SLC5A8: variants seen among roughly 807,000 people sequenced by gnomAD.
SLC5A8 encodes solute carrier family 5 member 8, also known as sodium-coupled monocarboxylate transporter 1.
In SLC5A8, 55 loss-of-function variants were observed where a neutral mutation model predicts 71.9. That is an observed-to-expected ratio of 0.77 (90% CI 0.62 to 0.96). SLC5A8 has a LOEUF of 0.96. Among genes scored for constraint, SLC5A8 ranks in the 40% least tolerant of loss-of-function variants. The pLI, the probability that SLC5A8 is intolerant of heterozygous loss-of-function variation, is 0.00. For missense variants in SLC5A8, 701 were observed against 745.3 expected (o/e 0.94, Z 0.69); for synonymous variants, 307 against 276.1 (o/e 1.11, Z -1.11).
chr12:101,160,534 G>A (rs758604474), intron 13 of SLC5A8, among the ~76,000 whole-genome samples: 69 of 152,264 alleles, frequency 4.5e-4, no homozygotes, highest in Non-Finnish European at 9.0e-4. Context: ...GAAGGAGGCA[G>A]TTGCACCCTT....
At position 101,155,532 on chromosome 12, in the gene SLC5A8, G is replaced by A. The variant is rs1351253505; in HGVS notation, c.*1747C>T. On this transcript the variant is annotated 3_prime_UTR_variant, in exon 15 of 15. Coordinates refer to ENST00000536262, the MANE Select transcript of SLC5A8 (RefSeq NM_145913.5). ...GACAAGATTTCACTCTGTTACCCAG[G>A]CTGGAGTGCAGTGGTGTAATCATAG... 4 of 137,594 alleles carry A rather than the reference G, an allele frequency of 2.9e-5. No individual in the cohort carries two copies. Among genetic ancestry groups the A allele is most frequent in the African/African-American group, 1.1e-4 (4 of 35,702 alleles). 8.5% of individuals were successfully genotyped at this position (137,594 alleles called of 1,614,324 possible).
At position 101,187,394 on chromosome 12, in the gene SLC5A8, G is replaced by C. The variant is rs764420292; in HGVS notation, c.955C>G (p.Pro319Ala). ...DPWTAKKVSA[P>A]DQLMPYLVLD... ...AAGACATGGTACTGAACCTGGTCTG[G>C]TGCAGACACTTTCTTGGCTGTCCAA... is the stretch of plus-strand genomic sequence containing the variant. The change falls in exon 7 of 15, where the codon CCA (proline) becomes GCA (alanine). Residue 319 changes from proline (P) to alanine (A), a missense_variant. Coordinates refer to ENST00000536262, the MANE Select transcript of SLC5A8 (RefSeq NM_145913.5). The C allele has an allele frequency of 6.2e-7, 1 of 1,613,570 alleles. No homozygotes were observed. Among genetic ancestry groups the C allele is most frequent in the South Asian group, 1.1e-5 (1 of 90,884 alleles).
intron 13 of SLC5A8, among the ~76,000 whole-genome samples, chr12:101,158,592 C>CTATATATA (rs1566303428): frequency 5.4e-4 from 14 of 25,912 alleles, no homozygotes; most frequent in Non-Finnish European, 7.6e-4. Flanking sequence ...CTCTCTCTCT[C>CTATATATA]TCTCTCTATA....
intron 7 of SLC5A8, 112 bp from the exon 8 acceptor site, chr12:101,184,334 C>G: frequency 2.3e-6 from 2 of 854,764 alleles, no homozygotes; most frequent in Non-Finnish European, 3.7e-6. Context: ...AGTTATTCCA[C>G]ACAAATGAAA....
chr12:101,196,264 T>C (rs1266014190), intron 3 of SLC5A8, among the ~76,000 whole-genome samples: 1 of 152,234 alleles, frequency 6.6e-6, no homozygotes, highest in East Asian at 1.9e-4. Flanking sequence ...TACTAAGATA[T>C]GTGCTACCAA....
At position 101,164,247 on chromosome 12, in the gene SLC5A8, T is replaced by C. The variant is rs541348905; in HGVS notation, c.1527-2170A>G. Among the ~76,000 whole-genome samples, 6 of 152,278 alleles carry C rather than the reference T, an allele frequency of 3.9e-5. No individual in the cohort carries two copies. The East Asian group carries it at 1.2e-3, about 29-fold the overall frequency. On this transcript the variant is annotated intron_variant, in intron 12 of 14. Transcript: ENST00000536262. Reference sequence around the variant, plus strand: ...ATCTAGAATATGTCATGAACTTCTATGTAAGTAAGAAAAAGACAGAGAATC... The same window carrying C: ...ATCTAGAATATGTCATGAACTTCTACGTAAGTAAGAAAAAGACAGAGAATC...
chr12:101,209,825 G>T lies in SLC5A8; in HGVS notation c.24C>A (p.Gly8=). MDTPRGI[G]TFVVWDYVVF... ...CCACGTAGTCCCACACCACGAAGGTGCCGATGCCCCGTGGCGTGTCCATGG... is the reference window on the plus strand; with the variant it reads ...CCACGTAGTCCCACACCACGAAGGTTCCGATGCCCCGTGGCGTGTCCATGG... The change falls in exon 1 of 15, where the codon GGC becomes GGA. Residue 8 remains glycine (G), a synonymous_variant. Transcript: ENST00000536262. 1 of 1,575,118 alleles carries T rather than the reference G, an allele frequency of 6.3e-7. No individual in the cohort carries two copies.
chr12:101,174,272 G>A (rs2051858968), intron 10 of SLC5A8, among the ~76,000 whole-genome samples: 1 of 152,194 alleles, frequency 6.6e-6, no homozygotes. Context: ...CAGGGGCGAT[G>A]TCTCCTTTTC....
Position 101,156,365 on chromosome 12 carries a change from A to G in SLC5A8, c.*914T>C, listed in dbSNP as rs1039538323. The G allele has an allele frequency of 3.3e-5, 5 of 152,332 alleles. No homozygotes were observed. Among genetic ancestry groups the G allele is most frequent in the East Asian group, 1.9e-4 (1 of 5,190 alleles). 9.4% of individuals were successfully genotyped at this position (152,332 alleles called of 1,614,324 possible). ...GATCATCAAGTCCATAAATACCTACATCAAGTATATGTTAGTACCAAGCTA... is the reference window on the plus strand; with the variant it reads ...GATCATCAAGTCCATAAATACCTACGTCAAGTATATGTTAGTACCAAGCTA... On this transcript the variant is annotated 3_prime_UTR_variant, in exon 15 of 15. Coordinates refer to ENST00000536262, the MANE Select transcript of SLC5A8 (RefSeq NM_145913.5).
intron 3 of SLC5A8, among the ~76,000 whole-genome samples, chr12:101,200,499 G>T (rs1869414230): frequency 6.6e-6 from 1 of 151,970 alleles, no homozygotes; most frequent in African/African-American, 2.4e-5. Flanking sequence ...AAACTTAAGA[G>T]ACATCAACTG....
chr12:101,179,904 C>A, intron 10 of SLC5A8, 125 bp downstream of exon 10: 2 of 949,128 alleles, frequency 2.1e-6, no homozygotes, highest in South Asian at 2.9e-5. Flanking sequence ...AAAGTGTAGT[C>A]ATCCCTGCCA....
At chr12:101,174,048 C>T (rs901727980) in intron 10 of SLC5A8, among the ~76,000 whole-genome samples, 2 of 152,170 alleles carry the variant, frequency 1.3e-5, no homozygotes, top group African/African-American at 2.4e-5. Context: ...TAGAAGGCAG[C>T]AACAGGCCAC....
At chr12:101,173,028 T>C (rs768927686) in intron 10 of SLC5A8, among the ~76,000 whole-genome samples, 31 of 152,294 alleles carry the variant, frequency 2.0e-4, no homozygotes, top group Non-Finnish European at 3.8e-4. Flanking sequence ...CAGCCCTTGA[T>C]GAAAAGAGGC....
intron 3 of SLC5A8, among the ~76,000 whole-genome samples, chr12:101,200,055 G>GAAAAAAAA (rs1869386065): frequency 7.3e-5 from 2 of 27,482 alleles, no homozygotes; most frequent in African/African-American, 1.7e-4. Flanking sequence ...AAAAAAAAAA[G>GAAAAAAAA]GGAATGAACT....
chr12:101,170,982 G>A (rs1022034906), intron 10 of SLC5A8, among the ~76,000 whole-genome samples: 2 of 152,182 alleles, frequency 1.3e-5, no homozygotes, highest in African/African-American at 4.8e-5. Context: ...TGATGCTCAT[G>A]CATTTTATTC....
At chr12:101,176,611 A>G (rs2051882361) in intron 10 of SLC5A8, among the ~76,000 whole-genome samples, 1 of 152,108 alleles carries the variant, frequency 6.6e-6, no homozygotes, top group Non-Finnish European at 1.5e-5. Context: ...ATAGAATCAA[A>G]CTAGTAATCA....
intron 1 of SLC5A8, among the ~76,000 whole-genome samples, chr12:101,207,137 T>C (rs1156889004): frequency 1.3e-5 from 2 of 152,236 alleles, no homozygotes; most frequent in Non-Finnish European, 2.9e-5. Context: ...ACTTCCCCGT[T>C]CCCAACTGCC....
At chr12:101,170,789 G>C (rs2051822026) in intron 10 of SLC5A8, among the ~76,000 whole-genome samples, 1 of 152,190 alleles carries the variant, frequency 6.6e-6, no homozygotes, top group Non-Finnish European at 1.5e-5. Flanking sequence ...TGACATGGGA[G>C]GCCTAGTGGA....
chr12:101,187,383 A>C lies in SLC5A8; in HGVS notation c.963+3T>G. Reference sequence around the variant, plus strand: ...CACCTGTAAGAAAGACATGGTACTGAACCTGGTCTGGTGCAGACACTTTCT... The same window carrying C: ...CACCTGTAAGAAAGACATGGTACTGCACCTGGTCTGGTGCAGACACTTTCT... On this transcript the variant is annotated splice_donor_region_variant and intron_variant, in intron 7 of 14. Transcript: ENST00000536262. The C allele has an allele frequency of 6.2e-7, 1 of 1,612,982 alleles. No individual in the cohort carries two copies. The highest frequency in any genetic ancestry group is 8.5e-7 in the Non-Finnish European group (1 of 1,179,508).
Sources: gnomAD v4.1 joint callset for allele counts (sites outside exome capture counted in the v4.1 genomes callset) on GRCh38, gnomAD v4.1.1 for gene constraint, MANE v1.5 for transcripts, NCBI Gene and HGNC (gene_info 2026-07-23, HGNC 2026-07-21) for gene names.